Variants in PDK1 observed in about 807,000 individuals in gnomAD.
PDK1 encodes pyruvate dehydrogenase kinase 1.
PDK1 carries 39 observed loss-of-function variants against 54.2 expected under a neutral mutation model. That is an observed-to-expected ratio of 0.72 (90% CI 0.56 to 0.94). The LOEUF (loss-of-function observed/expected upper bound fraction) is 0.94. Among genes scored for constraint, PDK1 ranks in the 40% least tolerant of loss-of-function variants. The pLI is 0.00. For missense variants in PDK1, 552 were observed against 566.0 expected, an observed-to-expected ratio of 0.98 and a Z score of 0.25; for synonymous variants, 221 against 207.1, an observed-to-expected ratio of 1.07 and a Z score of -0.58.
chr2:172,650,050 G>C, the PDK1 span, among the ~76,000 whole-genome samples: 3 of 152,258 alleles, frequency 2.0e-5, no homozygotes, highest in South Asian at 6.2e-4. Flanking sequence ...ATTCACCAAA[G>C]TTGAAATGAA....
the PDK1 span, among the ~76,000 whole-genome samples, chr2:172,621,840 ATG>A: frequency 8.7e-3 from 1,036 of 118,850 alleles, 26 homozygotes; most frequent in Admixed American, 0.022. Context: ...TATATCTCAT[ATG>A]TATGATACAT....
chr2:172,577,637 A>G (rs1689650291), intron 8 of PDK1, among the ~76,000 whole-genome samples: 1 of 152,128 alleles, frequency 6.6e-6, no homozygotes, highest in South Asian at 2.1e-4. Flanking sequence ...ATTACAATTA[A>G]CACCTTAATT....
chr2:172,564,078 T>G (rs1457426235), intron 3 of PDK1: 3 of 472,414 alleles, frequency 6.4e-6, no homozygotes, highest in Non-Finnish European at 1.3e-5. Context: ...AGGCAGGCTT[T>G]ATTGGCTCAT....
At chr2:172,665,792 G>A in the PDK1 span, among the ~76,000 whole-genome samples, 197 of 152,280 alleles carry the variant, frequency 1.3e-3, 1 homozygote, top group Admixed American at 2.2e-3. Context: ...GACATAAGCA[G>A]CAATCGATGG....
the PDK1 span, among the ~76,000 whole-genome samples, chr2:172,671,805 T>C: frequency 2.3e-3 from 346 of 152,250 alleles, 1 homozygote; most frequent in Non-Finnish European, 3.7e-3. Flanking sequence ...TAGTTTATCA[T>C]TGCCCTTAGG....
At chr2:172,573,041 T>G (rs1475484076) in intron 8 of PDK1, among the ~76,000 whole-genome samples, 3 of 152,228 alleles carry the variant, frequency 2.0e-5, no homozygotes, top group African/African-American at 7.2e-5. Flanking sequence ...TTATTATAAA[T>G]AATATGGCTA....
the PDK1 span, among the ~76,000 whole-genome samples, chr2:172,711,914 G>T: frequency 6.8e-6 from 1 of 146,600 alleles, no homozygotes; most frequent in Non-Finnish European, 1.5e-5. Context: ...TGCTCAAAAG[G>T]AGAGGAAGAG....
chr2:172,664,070 G>C, the PDK1 span, among the ~76,000 whole-genome samples: 2 of 150,628 alleles, frequency 1.3e-5, no homozygotes, highest in African/African-American at 2.4e-5. Flanking sequence ...CCAGCACTTT[G>C]GGAGGCTGAG....
In PDK1 at chr2:172,598,153, TATA is replaced by T. The variant is rs1338938609; in HGVS notation, c.*2187_*2189del. 6.6e-5 allele frequency: 10 copies of T among 152,254 alleles called. No individual in the cohort carries two copies. The highest frequency in any genetic ancestry group is 9.6e-5 in the African/African-American group (4 of 41,468). The allele number at this position is 152,254 out of a possible 1,614,324, so 9.4% of individuals were successfully genotyped here. ...TTTTAGCTTTAAATTACAGTTTTCT[TATA>T]ATGTTGAAATGTTTTAGAATCCTTT... On this transcript the variant is annotated 3_prime_UTR_variant, in exon 11 of 11. Coordinates refer to ENST00000282077, the MANE Select transcript of PDK1 (RefSeq NM_002610.5).
downstream of PDK1, among the ~76,000 whole-genome samples, chr2:172,612,484 T>A (rs565462767): frequency 1.2e-4 from 18 of 152,172 alleles, no homozygotes; most frequent in African/African-American, 1.2e-4. Context: ...GTTTTTTTTT[T>A]AAACATTTTC....
chr2:172,637,416 C>T, the PDK1 span, among the ~76,000 whole-genome samples: 18 of 151,584 alleles, frequency 1.2e-4, no homozygotes, highest in East Asian at 1.7e-3. Flanking sequence ...CAGTTGGCCC[C>T]GTACCTGATA....
rs1228606084 is a variant in PDK1, at chr2:172,601,384, A to G, written c.*5415A>G. 7 of 152,216 alleles carry G rather than the reference A, an allele frequency of 4.6e-5. No homozygotes were observed. Among genetic ancestry groups the G allele is most frequent in the African/African-American group, 1.7e-4 (7 of 41,454 alleles). 9.4% of individuals were successfully genotyped at this position (152,216 alleles called of 1,614,324 possible). On this transcript the variant is annotated 3_prime_UTR_variant, in exon 11 of 11. Transcript: ENST00000282077. ...GTTAGGCTTTCTGTCCCCACCGCAC[A>G]AATCTCATCTTGAATTATAATCTCA...
At chr2:172,561,483 G>A (rs1688652083) in intron 2 of PDK1, among the ~76,000 whole-genome samples, 1 of 152,218 alleles carries the variant, frequency 6.6e-6, no homozygotes, top group Admixed American at 6.5e-5. Context: ...AGTGCTTACA[G>A]CCAAGTGGAG....
Position 172,563,834 on chromosome 2 carries a change from C to G in PDK1, c.411-669C>G, listed in dbSNP as rs368945979. Among the ~76,000 whole-genome samples, 12 of 133,998 alleles carry G rather than the reference C, an allele frequency of 9.0e-5. No homozygotes were observed. In the East Asian group the frequency reaches 2.3e-3, roughly 26 times the overall value. The allele number at this position is 133,998 out of a possible 152,430, so 87.9% of individuals were successfully genotyped here. On this transcript the variant is annotated intron_variant, in intron 3 of 10. Transcript: ENST00000282077. ...GGGCAACAAGAGCAAAATTCCATCT[C>G]AAAAAAAAAAAAGACTTATTTTCTC...
the PDK1 span, among the ~76,000 whole-genome samples, chr2:172,641,511 G>T: frequency 6.7e-6 from 1 of 150,132 alleles, no homozygotes; most frequent in Non-Finnish European, 1.5e-5. Flanking sequence ...GCACAATCTC[G>T]GCTCACTGCA....
At chr2:172,690,154 G>GA in the PDK1 span, among the ~76,000 whole-genome samples, 30 of 149,974 alleles carry the variant, frequency 2.0e-4, 2 homozygotes, top group African/African-American at 6.8e-4. Context: ...AAATTTACAA[G>GA]AAAAAAACAA....
Position 172,606,057 on chromosome 2 carries a change from C to G in PDK1, c.*10088C>G, listed in dbSNP as rs1285357040. ...AACCATTTAATTTCATAGATACCTT[C>G]AGTGGTGGCATCACTGGGTCCTCTC... On this transcript the variant is annotated 3_prime_UTR_variant, in exon 11 of 11. Coordinates refer to ENST00000282077, the MANE Select transcript of PDK1 (RefSeq NM_002610.5). 6.6e-6 allele frequency: 1 copy of G among 152,212 alleles called. No homozygotes were observed. The highest frequency in any genetic ancestry group is 1.9e-4 in the East Asian group (1 of 5,202). 9.4% of individuals were successfully genotyped at this position (152,212 alleles called of 1,614,324 possible). A position where few individuals can be genotyped will look rare whatever the true frequency, so the allele number is the denominator to read the frequency against.
the PDK1 span, chr2:172,691,228 T>G: frequency 6.7e-6 from 1 of 150,218 alleles, no homozygotes; most frequent in African/African-American, 2.4e-5. Flanking sequence ...ATTGTCAACA[T>G]CCCACAGCAT....
At chr2:172,594,457 T>G (rs531892448) in intron 10 of PDK1, among the ~76,000 whole-genome samples, 1 of 152,264 alleles carries the variant, frequency 6.6e-6, no homozygotes, top group Admixed American at 6.5e-5. Flanking sequence ...TGATAGCTGA[T>G]GAGCTTAAAA....
Sources: gnomAD v4.1 joint callset for allele counts (sites outside exome capture counted in the v4.1 genomes callset) on GRCh38, gnomAD v4.1.1 for gene constraint, MANE v1.5 for transcripts, NCBI Gene and HGNC (gene_info 2026-07-23, HGNC 2026-07-21) for gene names.